The following TEAD3 variants were observed in gnomAD, a reference collection of about 807,000 sequenced individuals.
TEAD3 encodes the protein TEA domain transcription factor 3, also known as transcriptional enhancer factor TEF-5.
Under a neutral mutation model 55.6 loss-of-function variants are expected in TEAD3, and 15 were observed. The observed-to-expected ratio is 0.27, with a 90% confidence interval of 0.18 to 0.42. The LOEUF (loss-of-function observed/expected upper bound fraction) is 0.42. Among genes scored for constraint, TEAD3 ranks in the 10% least tolerant of loss-of-function variants. The pLI is 1.00. For synonymous variants in TEAD3, 210 were observed against 232.2 expected (o/e 0.90, Z 0.87); for missense variants, 407 against 576.8 (o/e 0.71, Z 3.01).
intron 5 of TEAD3, among the ~76,000 whole-genome samples, chr6:35,479,103 C>T (rs563971755): frequency 1.3e-5 from 2 of 152,270 alleles, no homozygotes; most frequent in South Asian, 2.1e-4. Context: ...TGGTCTCGAT[C>T]CCCTGACCTT....
rs1273923218 is a variant in TEAD3, at chr6:35,475,172, G to C, written c.1195-15C>G. The C allele has an allele frequency of 6.4e-7, 1 of 1,571,612 alleles. No individual in the cohort carries two copies. The highest frequency in any genetic ancestry group is 8.6e-7 in the Non-Finnish European group (1 of 1,157,970). ...CTCGTGACCACCTGGGGGGTGAGCA[G>C]GTAAGAGATTCAGGAGGTCAGGGAG... On this transcript the variant is annotated splice_polypyrimidine_tract_variant and intron_variant, in intron 12 of 12. Coordinates refer to ENST00000639578, the Ensembl canonical transcript of TEAD3. The surrounding 1 kb of genome is among the most constrained non-coding windows in gnomAD (Gnocchi z 5.4).
At position 35,496,471 on chromosome 6, in the gene TEAD3, C is replaced by T. The variant is rs903405845; in HGVS notation, c.-50+427G>A. On this transcript the variant is annotated intron_variant, in intron 1 of 12. Coordinates refer to ENST00000639578, the Ensembl canonical transcript of TEAD3. The surrounding 1 kb of genome is among the most constrained non-coding windows in gnomAD (Gnocchi z 4.8). ...GCGTGGAGCTGAGGCCGGGCGGGCTCCGGGAGCGCGCGGGCCGGGAGTCCA... is the reference window on the plus strand; with the variant it reads ...GCGTGGAGCTGAGGCCGGGCGGGCTTCGGGAGCGCGCGGGCCGGGAGTCCA... Among the ~76,000 whole-genome samples the T allele has an allele frequency of 2.0e-5, 3 of 151,946 alleles. No homozygotes were observed. Among genetic ancestry groups the T allele is most frequent in the African/African-American group, 7.2e-5 (3 of 41,390 alleles).
chr6:35,492,609 C>T (rs546545443), intron 1 of TEAD3, among the ~76,000 whole-genome samples: 1 of 132,746 alleles, frequency 7.5e-6, no homozygotes. Context: ...TCTCTCCCCA[C>T]CCCCCGCCCT....
Position 35,485,780 on chromosome 6 carries a change from G to A in TEAD3, c.202+681C>T, listed in dbSNP as rs1172321776. On this transcript the variant is annotated intron_variant, in intron 2 of 12. Transcript: ENST00000639578. The surrounding 1 kb of genome is among the most constrained non-coding windows in gnomAD (Gnocchi z 4.3). ...GATCCCTTCCCACAGGCGCGCCCTG[G>A]GAAGGGCTGGGCCTGCCTCGCTCAG... Among the ~76,000 whole-genome samples the A allele has an allele frequency of 6.6e-6, 1 of 152,158 alleles. No individual in the cohort carries two copies. The highest frequency in any genetic ancestry group is 2.4e-5 in the African/African-American group (1 of 41,442).
At chr6:35,479,082 G>A (rs1768214575) in intron 5 of TEAD3, among the ~76,000 whole-genome samples, 2 of 152,092 alleles carry the variant, frequency 1.3e-5, no homozygotes, top group Non-Finnish European at 2.9e-5. Context: ...GTTTCACCAT[G>A]TTGGTCAGGC....
chr6:35,477,226 C>A, intron 8 of TEAD3, 85 bp downstream of exon 8: 2 of 1,476,568 alleles, frequency 1.4e-6, no homozygotes, highest in South Asian at 2.3e-5. Flanking sequence ...CCCTCCCTCC[C>A]AAAGCAAACA....
At position 35,485,329 on chromosome 6, in the gene TEAD3, G is replaced by A. The variant is rs377719568; in HGVS notation, c.203-705C>T. ...GTGAGAGCCTTGTGAGCCTTGGGGT[G>A]CGGGGTCTGTTCTGCACCACAGACC... is the stretch of plus-strand genomic sequence containing the variant. On this transcript the variant is annotated intron_variant, in intron 2 of 12. Coordinates refer to ENST00000639578, the Ensembl canonical transcript of TEAD3. This position sits in a 1 kb window ranked among gnomAD's most constrained non-coding sequence, Gnocchi z 4.3. Among the ~76,000 whole-genome samples the A allele has an allele frequency of 4.3e-4, 66 of 151,922 alleles. No homozygotes were observed. The highest frequency in any genetic ancestry group is 1.5e-3 in the African/African-American group (64 of 41,312).
chr6:35,492,889 C>T (rs1768558731), intron 1 of TEAD3, among the ~76,000 whole-genome samples: 1 of 152,120 alleles, frequency 6.6e-6, no homozygotes, highest in South Asian at 2.1e-4. Flanking sequence ...ACTGACTTAT[C>T]TCCTCATCTT....
chr6:35,475,264 G>T lies in TEAD3; in HGVS notation c.1194+72C>A. The T allele has an allele frequency of 6.2e-7, 1 of 1,604,336 alleles. No homozygotes were observed. Among genetic ancestry groups the T allele is most frequent in the Middle Eastern group, 1.7e-4 (1 of 5,814 alleles). On this transcript the variant is annotated intron_variant, in intron 12 of 12. Transcript: ENST00000639578. This position sits in a 1 kb window ranked among gnomAD's most constrained non-coding sequence, Gnocchi z 5.4. ...TTCCGGATCTATGCCTCTCAGCCAAGCGATGTGTCTGGCTACCCAACTTGG... is the reference window on the plus strand; with the variant it reads ...TTCCGGATCTATGCCTCTCAGCCAATCGATGTGTCTGGCTACCCAACTTGG...
At chr6:35,492,375 C>A (rs894662408) in intron 1 of TEAD3, among the ~76,000 whole-genome samples, 1 of 152,080 alleles carries the variant, frequency 6.6e-6, no homozygotes, top group East Asian at 1.9e-4. Context: ...CTCCAGCTGC[C>A]AGAAGCTCCC....
At chr6:35,477,162 C>T in intron 8 of TEAD3, 149 bp downstream of exon 8, 1 of 776,328 alleles carries the variant, frequency 1.3e-6, no homozygotes, top group Non-Finnish European at 2.1e-6. Flanking sequence ...CAACATTGTA[C>T]AAGGTAAAGG....
In TEAD3 at chr6:35,483,592, A is replaced by G. The variant is rs1768305137; in HGVS notation, c.267+968T>C. On this transcript the variant is annotated intron_variant, in intron 3 of 12. Coordinates refer to ENST00000639578, the Ensembl canonical transcript of TEAD3. This position sits in a 1 kb window ranked among gnomAD's most constrained non-coding sequence, Gnocchi z 4.5. The stretch of plus-strand genomic sequence containing the variant: ...GATCTAGGCCTCTGCTTATGCCCGC[A>G]ATGGCCAGCCTCTCTGTCTCCAGCC... 6.6e-6 allele frequency among the ~76,000 whole-genome samples: 1 copy of G among 152,104 alleles called. No individual in the cohort carries two copies. The highest frequency in any genetic ancestry group is 2.1e-4 in the South Asian group (1 of 4,828).
chr6:35,475,095 G>A lies in TEAD3; in HGVS notation c.1257C>T (p.Ser419=). The A allele has an allele frequency of 6.3e-7, 1 of 1,599,318 alleles. No individual in the cohort carries two copies. The highest frequency in any genetic ancestry group is 8.5e-7 in the Non-Finnish European group (1 of 1,172,606). Reference sequence around the variant, plus strand: ...GGTGCTGGGCCCCGTGCTCACTGGTGGAGACTTCGAAGACAAAAGCAATGA... The same window carrying A: ...GGTGCTGGGCCCCGTGCTCACTGGTAGAGACTTCGAAGACAAAAGCAATGA... Residue 419 remains serine, a synonymous_variant, in exon 13 of 13, where the codon TCC becomes TCT. Coordinates refer to ENST00000639578, the Ensembl canonical transcript of TEAD3. The surrounding 1 kb of genome is among the most constrained non-coding windows in gnomAD (Gnocchi z 5.4).
At position 35,496,106 on chromosome 6, in the gene TEAD3, G is replaced by C. The variant is rs796626183; in HGVS notation, c.-50+792C>G. ...CCCTCCCTCCCCTAGCAGGAATAAA[G>C]GGCATGACAGACAATGGTGGGGACC... On this transcript the variant is annotated intron_variant, in intron 1 of 12. Coordinates refer to ENST00000639578, the Ensembl canonical transcript of TEAD3. This position sits in a 1 kb window ranked among gnomAD's most constrained non-coding sequence, Gnocchi z 4.8. 1.3e-5 allele frequency among the ~76,000 whole-genome samples: 2 copies of C among 148,808 alleles called. No homozygotes were observed. The highest frequency in any genetic ancestry group is 2.4e-5 in the African/African-American group (1 of 40,924).
chr6:35,477,548 T>C (rs764460006), intron 7 of TEAD3, among the ~76,000 whole-genome samples, 176 bp from the exon 8 acceptor site: 1 of 152,092 alleles, frequency 6.6e-6, no homozygotes, highest in East Asian at 1.9e-4. Context: ...TTAGCTTTTG[T>C]GAAATCCTGC....
chr6:35,476,237 C>T, intron 9 of TEAD3, 65 bp downstream of exon 9: 1 of 1,572,034 alleles, frequency 6.4e-7, no homozygotes, highest in Non-Finnish European at 8.6e-7. Context: ...AGTTGCAGCC[C>T]TGGATCACCC....
rs765031609 is a variant in TEAD3, at chr6:35,483,581, C to T, written c.267+979G>A. On this transcript the variant is annotated intron_variant, in intron 3 of 12. Coordinates refer to ENST00000639578, the Ensembl canonical transcript of TEAD3. This position sits in a 1 kb window ranked among gnomAD's most constrained non-coding sequence, Gnocchi z 4.5. ...CTGGCACTGTTGATCTAGGCCTCTG[C>T]TTATGCCCGCAATGGCCAGCCTCTC... 6.6e-6 allele frequency among the ~76,000 whole-genome samples: 1 copy of T among 152,182 alleles called. No homozygotes were observed. The highest frequency in any genetic ancestry group is 2.4e-5 in the African/African-American group (1 of 41,428).
rs1479544719 is a variant in TEAD3, at chr6:35,478,350, G to A, written c.481-26C>T. The A allele has an allele frequency of 3.1e-6, 5 of 1,613,706 alleles. No individual in the cohort carries two copies. The Middle Eastern group carries it at 5.0e-4, about 160-fold the overall frequency. On this transcript the variant is annotated intron_variant, in intron 6 of 12. Transcript: ENST00000639578. Reference sequence around the variant, plus strand: ...CTGCAGGGATGAGACAAGGCCCAGGGGCCCCTCAGCATCCATGAACCCCAC... The same window carrying A: ...CTGCAGGGATGAGACAAGGCCCAGGAGCCCCTCAGCATCCATGAACCCCAC...
chr6:35,493,010 G>A lies in TEAD3; in HGVS notation c.-50+3888C>T, dbSNP rs146702344. Among the ~76,000 whole-genome samples, 401 of 152,030 alleles carry A rather than the reference G, an allele frequency of 2.6e-3. 2 individuals carry two copies. The highest frequency in any genetic ancestry group is 8.5e-3 in the African/African-American group (351 of 41,460). ...TGCCAGACTCCTGGTACTCTGGGTC[G>A]CCCACTGGGCTCCCACCAGCCACTC... is the stretch of plus-strand genomic sequence containing the variant. On this transcript the variant is annotated intron_variant, in intron 1 of 12. Coordinates refer to ENST00000639578, the Ensembl canonical transcript of TEAD3.
Sources: gnomAD v4.1 joint callset for allele counts (sites outside exome capture counted in the v4.1 genomes callset) on GRCh38, gnomAD v4.1.1 for gene constraint, Gnocchi (gnomAD v3.1) non-coding constraint, MANE v1.5 for transcripts, NCBI Gene and HGNC (gene_info 2026-07-23, HGNC 2026-07-21) for gene names.